CLIC4: variants seen among roughly 807,000 people sequenced by gnomAD.
CLIC4 encodes the protein CLIC family member 4.
In CLIC4, 13 loss-of-function variants were observed where a neutral mutation model predicts 24.6. The ratio of observed to expected loss-of-function variants is 0.53; its 90% CI spans 0.34 to 0.84. CLIC4 has a LOEUF of 0.84. Among genes scored for constraint, CLIC4 ranks in the 40% least tolerant of loss-of-function variants. The pLI, the probability that CLIC4 is intolerant of heterozygous loss-of-function variation, is 0.01. For synonymous variants in CLIC4, 104 were observed against 111.3 expected (o/e 0.93, Z 0.41); for missense variants, 227 against 301.7 (o/e 0.75, Z 1.83).
chr1:24,820,501 C>T (rs2124160220), intron 3 of CLIC4, among the ~76,000 whole-genome samples: 1 of 149,092 alleles, frequency 6.7e-6, no homozygotes, highest in South Asian at 2.1e-4. Context: ...TGGACACAAT[C>T]AGTCCTCCTG....
intron 1 of CLIC4, among the ~76,000 whole-genome samples, chr1:24,787,326 C>G (rs916150814): frequency 1.3e-5 from 2 of 151,924 alleles, no homozygotes; most frequent in African/African-American, 4.8e-5. Flanking sequence ...AACCCTGTCT[C>G]TACTAAAGAT....
intron 2 of CLIC4, among the ~76,000 whole-genome samples, chr1:24,812,441 G>GA (rs1228344862): frequency 5.8e-4 from 87 of 149,630 alleles, no homozygotes; most frequent in African/African-American, 1.4e-3. Flanking sequence ...TTGCCAAAAA[G>GA]AAAAAAAAAG....
intron 1 of CLIC4, among the ~76,000 whole-genome samples, chr1:24,753,319 A>G (rs1218996991): frequency 2.6e-5 from 4 of 152,342 alleles, no homozygotes; most frequent in Middle Eastern, 3.4e-3. Context: ...ATACTGAGTT[A>G]AGTACTATGG....
intron 3 of CLIC4, among the ~76,000 whole-genome samples, chr1:24,826,735 A>C (rs965591639): frequency 4.6e-5 from 7 of 152,214 alleles, no homozygotes; most frequent in Admixed American, 2.0e-4. Flanking sequence ...TGAACAAGTC[A>C]ACTGTTTCCC....
chr1:24,837,085 A>G (rs1240325632), intron 4 of CLIC4, among the ~76,000 whole-genome samples: 1 of 152,178 alleles, frequency 6.6e-6, no homozygotes, highest in Non-Finnish European at 1.5e-5. Context: ...AGCAGAATAT[A>G]AGGAAGTAGA....
chr1:24,807,226 G>C (rs1309613675), intron 2 of CLIC4, among the ~76,000 whole-genome samples: 1 of 149,930 alleles, frequency 6.7e-6, no homozygotes, highest in Non-Finnish European at 1.5e-5. Flanking sequence ...GAAGTAATAG[G>C]TGTTATTTAT....
chr1:24,767,242 A>G (rs1172783211), intron 1 of CLIC4, among the ~76,000 whole-genome samples: 1 of 151,968 alleles, frequency 6.6e-6, no homozygotes, highest in African/African-American at 2.4e-5. Flanking sequence ...TCTACCCTTC[A>G]CTAGTTGCCT....
intron 1 of CLIC4, among the ~76,000 whole-genome samples, chr1:24,764,288 C>T (rs889766116): frequency 7.9e-5 from 12 of 151,996 alleles, no homozygotes; most frequent in African/African-American, 2.2e-4. Context: ...TTAGTAGAGA[C>T]GGGGTTTCTC....
At chr1:24,775,020 G>A (rs1272268047) in intron 1 of CLIC4, among the ~76,000 whole-genome samples, 1 of 149,288 alleles carries the variant, frequency 6.7e-6, no homozygotes, top group East Asian at 2.0e-4. Context: ...GCAGTGAGCC[G>A]AGATCACACC....
At chr1:24,746,975 A>C (rs1638707541) in intron 1 of CLIC4, among the ~76,000 whole-genome samples, 1 of 152,084 alleles carries the variant, frequency 6.6e-6, no homozygotes, top group South Asian at 2.1e-4. Flanking sequence ...GCGACAGAGC[A>C]AGACCCTGTC....
intron 1 of CLIC4, among the ~76,000 whole-genome samples, chr1:24,759,296 A>G (rs944343347): frequency 2.6e-5 from 4 of 152,174 alleles, no homozygotes; most frequent in African/African-American, 9.7e-5. Context: ...ATAGAAGCAA[A>G]CATCAATTGA....
At chr1:24,766,648 C>T (rs1277749911) in intron 1 of CLIC4, among the ~76,000 whole-genome samples, 1 of 151,286 alleles carries the variant, frequency 6.6e-6, no homozygotes, top group Admixed American at 6.6e-5. Context: ...GGACTACAGA[C>T]ATGTGCCACT....
chr1:24,817,908 G>C (rs1022297614), intron 3 of CLIC4, among the ~76,000 whole-genome samples: 1 of 152,136 alleles, frequency 6.6e-6, no homozygotes. Flanking sequence ...GGGAAAGACA[G>C]GGGAACAGCA....
intron 1 of CLIC4, among the ~76,000 whole-genome samples, chr1:24,771,602 G>T (rs969157008): frequency 1.3e-5 from 2 of 151,680 alleles, no homozygotes; most frequent in Non-Finnish European, 2.9e-5. Context: ...AGTGTTTTTT[G>T]GCAAATTGGT....
intron 1 of CLIC4, among the ~76,000 whole-genome samples, chr1:24,784,618 C>G (rs1411414984): frequency 1.3e-5 from 2 of 152,180 alleles, no homozygotes; most frequent in African/African-American, 2.4e-5. Context: ...ATGGCAAAAG[C>G]TTTTATCTGA....
chr1:24,822,783 CTAAT>C (rs1639748740), intron 3 of CLIC4, among the ~76,000 whole-genome samples: 2 of 152,148 alleles, frequency 1.3e-5, no homozygotes, highest in African/African-American at 4.8e-5. Context: ...ATGTGAAATG[CTAAT>C]TAATTAGCAT....
intron 4 of CLIC4, among the ~76,000 whole-genome samples, chr1:24,831,348 C>CCA (rs1459076681): frequency 6.6e-6 from 1 of 152,124 alleles, no homozygotes; most frequent in Non-Finnish European, 1.5e-5. Context: ...CAGGCGTGAA[C>CCA]CACTGTGTCT....
intron 3 of CLIC4, among the ~76,000 whole-genome samples, chr1:24,816,339 A>G (rs996141462): frequency 7.0e-6 from 1 of 142,026 alleles, no homozygotes; most frequent in Admixed American, 8.0e-5. Context: ...TCCCAGGTTC[A>G]AGCAATTCTC....
intron 1 of CLIC4, among the ~76,000 whole-genome samples, chr1:24,764,545 T>C (rs1216473988): frequency 6.6e-6 from 1 of 151,960 alleles, no homozygotes; most frequent in African/African-American, 2.4e-5. Context: ...TCCCAGCTAC[T>C]TGGGAGGCTG....
Sources: allele counts gnomAD v4.1 joint callset (sites outside exome capture counted in the v4.1 genomes callset), GRCh38; gene constraint gnomAD v4.1.1; transcripts MANE v1.5; gene names NCBI Gene and HGNC (gene_info 2026-07-23, HGNC 2026-07-21).